The following MLLT3 variants were observed in gnomAD, a reference collection of about 807,000 sequenced individuals.
MLLT3 encodes protein AF-9.
In MLLT3, 4 loss-of-function variants were observed where a neutral mutation model predicts 53.2. The observed-to-expected ratio is 0.08, with a 90% CI of 0.04 to 0.17. The LOEUF (loss-of-function observed/expected upper bound fraction) is 0.17, where lower values mean the gene tolerates loss of function less well. Among genes scored for constraint, MLLT3 ranks in the 10% least tolerant of loss-of-function variants. MLLT3 has a pLI of 1.00. For missense variants in MLLT3, 569 were observed against 684.0 expected, an observed-to-expected ratio of 0.83 and a Z score of 1.87; for synonymous variants, 283 against 230.6, an observed-to-expected ratio of 1.23 and a Z score of -2.06.
At chr9:20,562,528 T>A (rs1354172860) in intron 2 of MLLT3, among the ~76,000 whole-genome samples, 4 of 152,086 alleles carry the variant, frequency 2.6e-5, no homozygotes, top group Non-Finnish European at 5.9e-5. Flanking sequence ...GCAAAGATAA[T>A]TTCAGAGACA....
intron 5 of MLLT3, among the ~76,000 whole-genome samples, chr9:20,376,497 G>A (rs1821768881): frequency 1.3e-5 from 2 of 152,260 alleles, no homozygotes; most frequent in South Asian, 2.1e-4. Flanking sequence ...GCATTGAGGT[G>A]CCTGTTTTTA....
intron 4 of MLLT3, among the ~76,000 whole-genome samples, chr9:20,419,563 T>C (rs1822955603): frequency 6.7e-6 from 1 of 148,880 alleles, no homozygotes; most frequent in Admixed American, 6.7e-5. Context: ...CTGACAAGTA[T>C]CCAGAAAGAA....
intron 2 of MLLT3, among the ~76,000 whole-genome samples, chr9:20,603,079 T>C (rs1820472271): frequency 6.6e-6 from 1 of 152,146 alleles, no homozygotes; most frequent in Admixed American, 6.5e-5. Flanking sequence ...AATCTGCCTC[T>C]AATTTCTCCT....
intron 6 of MLLT3, 123 bp downstream of exon 6, chr9:20,365,546 C>A: frequency 9.2e-7 from 1 of 1,092,302 alleles, no homozygotes; most frequent in Non-Finnish European, 1.3e-6. Context: ...AACACGGTTT[C>A]ACCGTGTTAG....
intron 4 of MLLT3, among the ~76,000 whole-genome samples, chr9:20,425,971 C>T (rs1268306443): frequency 1.3e-5 from 2 of 151,872 alleles, no homozygotes; most frequent in African/African-American, 4.8e-5. Context: ...TAATATTTTA[C>T]AAAATAATAT....
chr9:20,457,323 A>C (rs1823996284), intron 2 of MLLT3, among the ~76,000 whole-genome samples: 2 of 135,606 alleles, frequency 1.5e-5, no homozygotes, highest in African/African-American at 2.8e-5. Flanking sequence ...ATCTTGGCTC[A>C]CCACAACCTC....
At chr9:20,502,093 A>AGGGG (rs66552889) in intron 2 of MLLT3, among the ~76,000 whole-genome samples, 9 of 88,892 alleles carry the variant, frequency 1.0e-4, no homozygotes, top group African/African-American at 3.0e-4. Context: ...AAAAAAAAAA[A>AGGGG]GGGGGGGGGG....
At chr9:20,504,361 T>C (rs968910515) in intron 2 of MLLT3, among the ~76,000 whole-genome samples, 10 of 151,806 alleles carry the variant, frequency 6.6e-5, no homozygotes, top group Admixed American at 2.6e-4. Flanking sequence ...TGTGTGTGTG[T>C]GTGTGTGTGT....
At chr9:20,348,824 A>G (rs1280717935) in intron 10 of MLLT3, among the ~76,000 whole-genome samples, 1 of 152,242 alleles carries the variant, frequency 6.6e-6, no homozygotes, top group East Asian at 1.9e-4. Flanking sequence ...TCTTCCACAC[A>G]TATCCACACA....
intron 4 of MLLT3, among the ~76,000 whole-genome samples, chr9:20,431,867 T>TA (rs1212328828): frequency 6.6e-6 from 1 of 152,008 alleles, no homozygotes; most frequent in Non-Finnish European, 1.5e-5. Flanking sequence ...GTCAAAGTCA[T>TA]AAAAAATACA....
chr9:20,578,145 A>G (rs1006492955), intron 2 of MLLT3, among the ~76,000 whole-genome samples: 6 of 152,202 alleles, frequency 3.9e-5, no homozygotes, highest in African/African-American at 1.4e-4. Context: ...GAAGAGATAG[A>G]CAACAATTTG....
intron 8 of MLLT3, among the ~76,000 whole-genome samples, chr9:20,358,518 G>A (rs1367389798): frequency 6.6e-6 from 1 of 152,144 alleles, no homozygotes; most frequent in Non-Finnish European, 1.5e-5. Flanking sequence ...GATACTATTC[G>A]TTTTTGGTTT....
chr9:20,578,933 C>G (rs1333517523), intron 2 of MLLT3, among the ~76,000 whole-genome samples: 1 of 152,098 alleles, frequency 6.6e-6, no homozygotes, highest in Non-Finnish European at 1.5e-5. Flanking sequence ...TTACTTGTTT[C>G]TTTTTACTTT....
At chr9:20,610,918 T>C (rs1820685965) in intron 2 of MLLT3, among the ~76,000 whole-genome samples, 1 of 152,094 alleles carries the variant, frequency 6.6e-6, no homozygotes, top group African/African-American at 2.4e-5. Flanking sequence ...TTCCACTCAA[T>C]GCAACTAAAT....
At chr9:20,363,761 T>C (rs914058427) in intron 6 of MLLT3, among the ~76,000 whole-genome samples, 156 bp from the exon 7 acceptor site, 1 of 152,226 alleles carries the variant, frequency 6.6e-6, no homozygotes, top group African/African-American at 2.4e-5. Flanking sequence ...GTATAGTTTC[T>C]AAAATGCAAT....
At chr9:20,481,914 C>T (rs1166804118) in intron 2 of MLLT3, among the ~76,000 whole-genome samples, 1 of 152,180 alleles carries the variant, frequency 6.6e-6, no homozygotes, top group Non-Finnish European at 1.5e-5. Context: ...TTGGCTAAGA[C>T]CACACTAGTG....
chr9:20,373,775 G>A (rs937301600), intron 5 of MLLT3, among the ~76,000 whole-genome samples: 7 of 152,084 alleles, frequency 4.6e-5, no homozygotes, highest in Non-Finnish European at 7.4e-5. Flanking sequence ...CCTAGAGCCT[G>A]CTATAAAGAT....
At chr9:20,513,232 G>A (rs1563795198) in intron 2 of MLLT3, among the ~76,000 whole-genome samples, 2 of 152,148 alleles carry the variant, frequency 1.3e-5, no homozygotes, top group African/African-American at 4.8e-5. Flanking sequence ...ATACTGGCAG[G>A]TACCCTTGTG....
At chr9:20,573,333 C>G (rs1356906321) in intron 2 of MLLT3, among the ~76,000 whole-genome samples, 10 of 152,070 alleles carry the variant, frequency 6.6e-5, no homozygotes, top group African/African-American at 2.2e-4. Flanking sequence ...GCACATGCCA[C>G]TGTGCCTGGC....
Sources: allele counts gnomAD v4.1 joint callset (sites outside exome capture counted in the v4.1 genomes callset), GRCh38; gene constraint gnomAD v4.1.1; transcripts MANE v1.5; gene names NCBI Gene and HGNC (gene_info 2026-07-23, HGNC 2026-07-21).